SGCD: variants seen among roughly 807,000 people sequenced by gnomAD.
SGCD encodes the protein sarcoglycan delta.
SGCD carries 18 observed loss-of-function variants against 36.6 expected under a neutral mutation model. The observed-to-expected ratio is 0.49, with a 90% confidence interval of 0.34 to 0.73. The LOEUF (loss-of-function observed/expected upper bound fraction) is 0.73. Ranked by LOEUF, SGCD falls within the 30% of genes least tolerant of loss-of-function variation. SGCD has a pLI of 0.01. For missense variants in SGCD, 387 were observed against 346.7 expected (o/e 1.12, Z -0.92); for synonymous variants, 133 against 130.6 (o/e 1.02, Z -0.12).
intron 3 of SGCD, among the ~76,000 whole-genome samples, chr5:156,132,415 T>C (rs1180738954): frequency 6.7e-6 from 1 of 148,826 alleles, no homozygotes; most frequent in Non-Finnish European, 1.5e-5. Flanking sequence ...TATATTTTTG[T>C]GCCTCACAGC....
At chr5:155,803,360 G>A in the SGCD span, among the ~76,000 whole-genome samples, 1 of 152,206 alleles carries the variant, frequency 6.6e-6, no homozygotes, top group Non-Finnish European at 1.5e-5. Context: ...GGGCTACCCT[G>A]GCAGCAGTTG....
At chr5:156,177,639 A>G (rs1203731018) in intron 3 of SGCD, among the ~76,000 whole-genome samples, 1 of 152,136 alleles carries the variant, frequency 6.6e-6, no homozygotes, top group Non-Finnish European at 1.5e-5. Context: ...ATTAGTTTTG[A>G]CAAACATATC....
intron 1 of SGCD, among the ~76,000 whole-genome samples, chr5:156,033,424 G>T (rs968486035): frequency 1.3e-5 from 2 of 151,938 alleles, no homozygotes; most frequent in African/African-American, 2.4e-5. Flanking sequence ...AGTGTCTATT[G>T]TTTCCTTCTA....
intron 1 of SGCD, among the ~76,000 whole-genome samples, chr5:156,002,927 T>C (rs1758692178): frequency 6.6e-6 from 1 of 152,264 alleles, no homozygotes; most frequent in Non-Finnish European, 1.5e-5. Context: ...TATTCTCATA[T>C]GCTCCTTTTA....
chr5:156,269,125 C>G (rs1368687642), intron 3 of SGCD, among the ~76,000 whole-genome samples: 1 of 151,890 alleles, frequency 6.6e-6, no homozygotes, highest in Non-Finnish European at 1.5e-5. Context: ...TACATGGCAA[C>G]AGCAAAAGAA....
At chr5:156,561,029 C>T (rs1205136772) in intron 4 of SGCD, among the ~76,000 whole-genome samples, 1 of 152,082 alleles carries the variant, frequency 6.6e-6, no homozygotes, top group African/African-American at 2.4e-5. Flanking sequence ...GTAACCTCAT[C>T]AATTAGAATT....
At chr5:155,855,587 C>G in the SGCD span, among the ~76,000 whole-genome samples, 2 of 152,122 alleles carry the variant, frequency 1.3e-5, no homozygotes, top group East Asian at 3.9e-4. Context: ...TACTAGAGTT[C>G]CACATTGATC....
chr5:156,696,051 T>C (rs1754306619), intron 7 of SGCD, among the ~76,000 whole-genome samples: 1 of 152,232 alleles, frequency 6.6e-6, no homozygotes. Context: ...TTACAACCTG[T>C]TCTGGGTACT....
chr5:156,414,051 T>G (rs1345032973), intron 3 of SGCD, among the ~76,000 whole-genome samples: 1 of 152,230 alleles, frequency 6.6e-6, no homozygotes, highest in African/African-American at 2.4e-5. Flanking sequence ...TGAACTGTGC[T>G]CTGCACCCCA....
chr5:155,884,159 G>A (rs749207109), intron 1 of SGCD, among the ~76,000 whole-genome samples: 2 of 152,136 alleles, frequency 1.3e-5, no homozygotes, highest in Non-Finnish European at 2.9e-5. Context: ...GACACCTAAC[G>A]ATGATGAATC....
At chr5:155,852,782 A>G in the SGCD span, among the ~76,000 whole-genome samples, 2 of 152,168 alleles carry the variant, frequency 1.3e-5, no homozygotes, top group African/African-American at 2.4e-5. Flanking sequence ...TGTTGTTTGT[A>G]GGCCTTGATG....
the SGCD span, among the ~76,000 whole-genome samples, chr5:155,863,636 G>T: frequency 9.6e-6 from 1 of 103,780 alleles, no homozygotes; most frequent in Non-Finnish European, 2.6e-5. Context: ...CAGGAAAATT[G>T]CCAATCTTCT....
intron 4 of SGCD, among the ~76,000 whole-genome samples, chr5:156,523,337 A>G (rs559744084): frequency 3.3e-5 from 5 of 152,314 alleles, no homozygotes; most frequent in African/African-American, 1.2e-4. Context: ...TGAACTCATG[A>G]GAAGATTCAT....
At chr5:156,529,365 C>T (rs1446279455) in intron 4 of SGCD, among the ~76,000 whole-genome samples, 1 of 139,980 alleles carries the variant, frequency 7.1e-6, no homozygotes, top group Admixed American at 8.0e-5. Context: ...GCAGAGGTTG[C>T]AGTGAGCTGA....
intron 7 of SGCD, among the ~76,000 whole-genome samples, chr5:156,754,995 GA>G (rs944028640): frequency 6.6e-6 from 1 of 152,162 alleles, no homozygotes; most frequent in Admixed American, 6.5e-5. Context: ...TGGGAAAAAG[GA>G]AAAACTAGAG....
At chr5:156,695,753 C>T (rs1014180873) in intron 7 of SGCD, among the ~76,000 whole-genome samples, 1 of 152,180 alleles carries the variant, frequency 6.6e-6, no homozygotes, top group Non-Finnish European at 1.5e-5. Context: ...TGCATCTACT[C>T]AGTTCTGTCA....
At chr5:156,158,785 T>G (rs751229075) in intron 3 of SGCD, among the ~76,000 whole-genome samples, 2 of 151,582 alleles carry the variant, frequency 1.3e-5, no homozygotes, top group African/African-American at 4.9e-5. Flanking sequence ...AGGAAAAGAT[T>G]TTATATACCT....
the SGCD span, among the ~76,000 whole-genome samples, chr5:155,774,052 C>A: frequency 3.3e-5 from 5 of 152,280 alleles, no homozygotes; most frequent in South Asian, 8.3e-4. Flanking sequence ...TGCCTCCCCT[C>A]TCAAGGACCC....
intron 6 of SGCD, among the ~76,000 whole-genome samples, chr5:156,621,531 G>A (rs1161333041): frequency 1.3e-5 from 2 of 151,464 alleles, no homozygotes; most frequent in African/African-American, 4.9e-5. Context: ...AAAAAAAAAT[G>A]TGCGTTATGG....
Sources: allele counts gnomAD v4.1 joint callset (sites outside exome capture counted in the v4.1 genomes callset), GRCh38; gene constraint gnomAD v4.1.1; transcripts MANE v1.5; gene names NCBI Gene and HGNC (gene_info 2026-07-23, HGNC 2026-07-21).